Variants in FAM227B observed in about 807,000 individuals in gnomAD.
The protein encoded by FAM227B is protein FAM227B.
Under a neutral mutation model 73.8 loss-of-function variants are expected in FAM227B, and 88 were observed. The ratio of observed to expected loss-of-function variants is 1.19; its 90% CI spans 1.00 to 1.42. The LOEUF (loss-of-function observed/expected upper bound fraction) is 1.42, where lower values mean the gene tolerates loss of function less well. Ranked by LOEUF, FAM227B falls within the 40% of genes most tolerant of loss-of-function variation. The pLI is 0.00. For missense variants in FAM227B, 632 were observed against 590.9 expected (o/e 1.07, Z -0.72); for synonymous variants, 210 against 190.5 (o/e 1.10, Z -0.84).
intron 3 of FAM227B, among the ~76,000 whole-genome samples, chr15:49,603,522 G>T (rs549332521): frequency 2.6e-5 from 4 of 152,048 alleles, no homozygotes; most frequent in South Asian, 2.1e-4. Flanking sequence ...AGTTCTAGAG[G>T]GTTTTTTGAT....
intron 3 of FAM227B, among the ~76,000 whole-genome samples, chr15:49,600,934 C>A (rs1216714012): frequency 6.7e-6 from 1 of 149,344 alleles, no homozygotes; most frequent in Non-Finnish European, 1.5e-5. Context: ...CCCAGCTACA[C>A]CGGAGGCTGA....
At chr15:49,355,452 T>G (rs2042986343) in intron 13 of FAM227B, among the ~76,000 whole-genome samples, 1 of 151,988 alleles carries the variant, frequency 6.6e-6, no homozygotes, top group African/African-American at 2.4e-5. Context: ...TGCAGAAGCC[T>G]CAGGAGCCGA....
chr15:49,403,779 G>C (rs1386053270), intron 11 of FAM227B, among the ~76,000 whole-genome samples: 2 of 151,650 alleles, frequency 1.3e-5, no homozygotes, highest in Non-Finnish European at 2.9e-5. Context: ...TCTGATTTTG[G>C]TTATTTCTTG....
intron 3 of FAM227B, among the ~76,000 whole-genome samples, chr15:49,597,221 C>T (rs2076936599): frequency 6.6e-6 from 1 of 151,990 alleles, no homozygotes; most frequent in Non-Finnish European, 1.5e-5. Context: ...ATGTGACAGG[C>T]CACAAAACAA....
intron 11 of FAM227B, chr15:49,488,880 G>GGCT (rs2056634131): frequency 6.6e-6 from 1 of 151,914 alleles, no homozygotes; most frequent in African/African-American, 2.4e-5. Context: ...TGTAGACCAG[G>GGCT]GCTGTAGTCA....
intron 10 of FAM227B, among the ~76,000 whole-genome samples, chr15:49,514,702 AT>A: frequency 6.6e-6 from 1 of 151,950 alleles, no homozygotes; most frequent in African/African-American, 2.4e-5. Context: ...CAGGCTGTGA[AT>A]TTTCTTTTCA....
rs975738192 is a variant in FAM227B, at chr15:49,591,686, T to C, written c.106-1679A>G. Among the ~76,000 whole-genome samples, 3 of 151,692 alleles carry C rather than the reference T, an allele frequency of 2.0e-5. No homozygotes were observed. In the South Asian group the frequency reaches 6.3e-4, roughly 32 times the overall value. On this transcript the variant is annotated intron_variant, in intron 3 of 15. Transcript: ENST00000299338. The stretch of plus-strand genomic sequence containing the variant: ...TTTTTTAATAGAGATGGGGTTTCAC[T>C]ATGTTGGCCAGGCTGGTCTTGAACT...
At chr15:49,562,163 A>G (rs748095872) in intron 9 of FAM227B, among the ~76,000 whole-genome samples, 1 of 152,062 alleles carries the variant, frequency 6.6e-6, no homozygotes, top group Non-Finnish European at 1.5e-5. Context: ...ATGACAAAGG[A>G]GATATTACAA....
rs1483326318 is a variant in FAM227B at position 49,489,881 on chromosome 15, TATAGAGAG to T, written c.1012+18322_1012+18329del. On this transcript the variant is annotated intron_variant, in intron 11 of 15. Coordinates refer to ENST00000299338, the MANE Select transcript of FAM227B (RefSeq NM_152647.3). ...TATTTTATATATATATATATATATA[TATAGAGAG>T]AGAGAGAGAGAGAGAGAGAGAGAGA... 3.9e-3 allele frequency among the ~76,000 whole-genome samples: 64 copies of T among 16,480 alleles called. 6 individuals carry two copies. The highest frequency in any genetic ancestry group is 7.9e-3 in the Non-Finnish European group (52 of 6,592). The allele number at this position is 16,480 out of a possible 152,430, so 10.8% of individuals were successfully genotyped here.
Position 49,449,651 on chromosome 15 carries a change from G to C in FAM227B, c.1012+58560C>G, listed in dbSNP as rs187525469. 9.2e-5 allele frequency among the ~76,000 whole-genome samples: 14 copies of C among 152,070 alleles called. No individual in the cohort carries two copies. In the East Asian group the frequency reaches 2.7e-3, roughly 29 times the overall value. ...TTAAGGCAAATATGCCATACTGTCG[G>C]CTCATCTTAAGCTTGTCCAGGTCCC... On this transcript the variant is annotated intron_variant, in intron 11 of 15. Transcript: ENST00000299338.
chr15:49,470,376 A>G (rs184429065), intron 11 of FAM227B, among the ~76,000 whole-genome samples: 1 of 152,160 alleles, frequency 6.6e-6, no homozygotes, highest in African/African-American at 2.4e-5. Flanking sequence ...CCAATAAGCA[A>G]TTCTGTTGAT....
At chr15:49,522,567 T>C (rs1859876960) in intron 10 of FAM227B, among the ~76,000 whole-genome samples, 1 of 152,024 alleles carries the variant, frequency 6.6e-6, no homozygotes, top group Non-Finnish European at 1.5e-5. Context: ...ATATGAAAGA[T>C]GAAATCGATA....
At chr15:49,488,564 C>T (rs748169671) in intron 11 of FAM227B, 1 of 151,904 alleles carries the variant, frequency 6.6e-6, no homozygotes, top group African/African-American at 2.4e-5. Context: ...CCTTTTACTT[C>T]CTGGTTATCA....
At chr15:49,572,283 CAG>C (rs921643393) in intron 8 of FAM227B, among the ~76,000 whole-genome samples, 12 of 151,992 alleles carry the variant, frequency 7.9e-5, no homozygotes, top group African/African-American at 2.9e-4. Flanking sequence ...TTGTTACAAA[CAG>C]AGATATTTCA....
intron 3 of FAM227B, among the ~76,000 whole-genome samples, chr15:49,606,524 G>C (rs73406008): frequency 0.062 from 9,482 of 152,054 alleles, 1,043 homozygotes; most frequent in African/African-American, 0.22. Context: ...CTCTAATATC[G>C]CATGTTAGGT....
chr15:49,531,697 T>G (rs561376050), intron 10 of FAM227B, among the ~76,000 whole-genome samples: 2 of 152,118 alleles, frequency 1.3e-5, no homozygotes, highest in South Asian at 4.1e-4. Flanking sequence ...AGACTGTGGG[T>G]TTAGTCCTCC....
In FAM227B at chr15:49,480,804, A is replaced by G. The variant is rs141220015; in HGVS notation, c.1012+27407T>C. ...AGCCATCCCCTTTGTAAAGTGCAGT[A>G]AAGAAACAGTGGGCAATAGACAGGC... On this transcript the variant is annotated intron_variant, in intron 11 of 15. Transcript: ENST00000299338. Among the ~76,000 whole-genome samples the G allele has an allele frequency of 1.7e-3, 259 of 152,268 alleles. 1 individual carries two copies. Among genetic ancestry groups the G allele is most frequent in the Admixed American group, 0.011 (165 of 15,282 alleles).
At chr15:49,482,511 C>T (rs2056044472) in intron 11 of FAM227B, among the ~76,000 whole-genome samples, 1 of 151,992 alleles carries the variant, frequency 6.6e-6, no homozygotes, top group Non-Finnish European at 1.5e-5. Context: ...CCATCATTTA[C>T]ACTTGCTTTA....
At chr15:49,436,698 G>T (rs2051137587) in intron 11 of FAM227B, among the ~76,000 whole-genome samples, 1 of 150,540 alleles carries the variant, frequency 6.6e-6, no homozygotes, top group Admixed American at 6.7e-5. Flanking sequence ...ACTTGCTCTA[G>T]GTTACATAGC....
Sources: gnomAD v4.1 joint callset for allele counts (sites outside exome capture counted in the v4.1 genomes callset) on GRCh38, gnomAD v4.1.1 for gene constraint, MANE v1.5 for transcripts, NCBI Gene and HGNC (gene_info 2026-07-23, HGNC 2026-07-21) for gene names.